ZBTB20: variants seen among roughly 807,000 people sequenced by gnomAD.
ZBTB20 encodes zinc finger and BTB domain-containing protein 20.
Under a neutral mutation model 56.9 loss-of-function variants are expected in ZBTB20, and 9 were observed. The observed-to-expected ratio is 0.16, with a 90% CI of 0.10 to 0.28. ZBTB20 has a LOEUF of 0.28. ZBTB20 is among the 10% of genes least tolerant of loss of function. ZBTB20 has a pLI of 1.00. For missense variants in ZBTB20, 655 were observed against 1,003.0 expected (o/e 0.65, Z 4.69); for synonymous variants, 417 against 420.7 (o/e 0.99, Z 0.11).
chr3:114,969,726 A>G (rs1233299149), intron 3 of ZBTB20, among the ~76,000 whole-genome samples: 2 of 152,340 alleles, frequency 1.3e-5, no homozygotes, highest in East Asian at 3.9e-4. Flanking sequence ...CAGTTATAAG[A>G]AAGTATAATA....
At chr3:114,565,379 C>T (rs1484198294) in intron 6 of ZBTB20, among the ~76,000 whole-genome samples, 2 of 152,174 alleles carry the variant, frequency 1.3e-5, no homozygotes, top group Non-Finnish European at 2.9e-5. Flanking sequence ...ATTCTCCTTC[C>T]GTCTGGGCGT....
chr3:114,797,497 T>C (rs1419324547), intron 5 of ZBTB20, among the ~76,000 whole-genome samples: 1 of 151,918 alleles, frequency 6.6e-6, no homozygotes, highest in Admixed American at 6.6e-5. Flanking sequence ...ATGATAACCA[T>C]TTACTTCCTC....
At chr3:114,494,058 T>C (rs1183507708) in intron 7 of ZBTB20, among the ~76,000 whole-genome samples, 1 of 152,188 alleles carries the variant, frequency 6.6e-6, no homozygotes, top group Non-Finnish European at 1.5e-5. Context: ...ATCTGCACAA[T>C]TAGGATTATA....
chr3:114,405,108 T>G (rs955257707), intron 7 of ZBTB20, among the ~76,000 whole-genome samples: 22 of 152,036 alleles, frequency 1.4e-4, no homozygotes, highest in African/African-American at 4.3e-4. Flanking sequence ...ATCCTAGCTT[T>G]AAGAACAAGC....
chr3:114,329,735 A>AAAAAAAAAAC lies in ZBTB20; in HGVS notation c.*9269_*9270insGTTTTTTTTT, dbSNP rs1553785009. ...AAAAAAAAAAAAAAAAAAAAAAAAA[A>AAAAAAAAAAC]AACAACTCCCAGGAAAATGAACACT... On this transcript the variant is annotated 3_prime_UTR_variant, in exon 12 of 12. Coordinates refer to ENST00000675478, the MANE Select transcript of ZBTB20 (RefSeq NM_001348800.3). 7.2e-6 allele frequency: 1 copy of AAAAAAAAAAC among 138,598 alleles called. No individual in the cohort carries two copies. The allele number at this position is 138,598 out of a possible 1,614,324, so 8.6% of individuals were successfully genotyped here. A position where few individuals can be genotyped will look rare whatever the true frequency, so the allele number is the denominator to read the frequency against.
intron 7 of ZBTB20, among the ~76,000 whole-genome samples, chr3:114,444,376 T>C (rs1294666921): frequency 3.3e-5 from 5 of 152,150 alleles, no homozygotes; most frequent in Admixed American, 6.5e-5. Flanking sequence ...GCATTTTCCT[T>C]CATTCCTCAG....
chr3:115,046,255 C>T (rs1264646401), intron 2 of ZBTB20, among the ~76,000 whole-genome samples: 6 of 152,042 alleles, frequency 3.9e-5, no homozygotes, highest in Admixed American at 2.6e-4. Context: ...AAACCTAAAA[C>T]GTTGAAGGTT....
intron 6 of ZBTB20, among the ~76,000 whole-genome samples, chr3:114,641,384 A>G (rs1407672459): frequency 6.6e-6 from 1 of 151,972 alleles, no homozygotes; most frequent in Non-Finnish European, 1.5e-5. Context: ...GCTGAAATTT[A>G]AAGTACAAAA....
chr3:114,802,231 A>G (rs1009181629), intron 4 of ZBTB20, among the ~76,000 whole-genome samples: 3 of 151,944 alleles, frequency 2.0e-5, no homozygotes, highest in Non-Finnish European at 4.4e-5. Context: ...TCATATGTTT[A>G]CATCCAATTT....
chr3:114,503,857 T>C (rs2044287066), intron 6 of ZBTB20, among the ~76,000 whole-genome samples: 1 of 152,184 alleles, frequency 6.6e-6, no homozygotes, highest in Non-Finnish European at 1.5e-5. Context: ...TCAATTCTAG[T>C]GTAGTTTATG....
In ZBTB20 at chr3:115,001,451, T is replaced by G. The variant is rs372976879; in HGVS notation, c.-506-27035A>C. Among the ~76,000 whole-genome samples, 57 of 151,334 alleles carry G rather than the reference T, an allele frequency of 3.8e-4. 1 individual carries two copies. The highest frequency in any genetic ancestry group is 1.4e-3 in the African/African-American group (57 of 41,354). On this transcript the variant is annotated intron_variant, in intron 2 of 11. Transcript: ENST00000675478. ...ATAAATTTAAAATGGGGAGCTTTTT[T>G]TAAATCACATATTAAAAAAGAAGAA...
At chr3:114,636,238 A>G (rs1329005433) in intron 6 of ZBTB20, among the ~76,000 whole-genome samples, 1 of 152,172 alleles carries the variant, frequency 6.6e-6, no homozygotes, top group African/African-American at 2.4e-5. Flanking sequence ...CTAGACAAAC[A>G]TGCAGAGGGG....
rs2078668201 is a variant in ZBTB20 at position 114,315,953 on chromosome 3, G to GT, written c.*23051dup. The GT allele has an allele frequency of 6.4e-6, 1 of 155,184 alleles. No individual in the cohort carries two copies. Among genetic ancestry groups the GT allele is most frequent in the Admixed American group, 6.6e-5 (1 of 15,260 alleles). 9.6% of individuals were successfully genotyped at this position (155,184 alleles called of 1,614,324 possible). A position where few individuals can be genotyped will look rare whatever the true frequency, so the allele number is the denominator to read the frequency against. ...GCCACGTTAAGGTGCTTCAAAAAAG[G>GT]TTTTTTGTTTTTTTGTTTTTTTTTT... On this transcript the variant is annotated 3_prime_UTR_variant, in exon 12 of 12. Coordinates refer to ENST00000675478, the MANE Select transcript of ZBTB20 (RefSeq NM_001348800.3).
intron 2 of ZBTB20, among the ~76,000 whole-genome samples, chr3:115,053,864 A>G (rs2081648162): frequency 6.6e-6 from 1 of 152,190 alleles, no homozygotes; most frequent in African/African-American, 2.4e-5. Context: ...ATGTGTCGGT[A>G]TAAGGACATG....
At chr3:114,898,214 G>A (rs1038393963) in intron 4 of ZBTB20, among the ~76,000 whole-genome samples, 17 of 152,108 alleles carry the variant, frequency 1.1e-4, no homozygotes, top group African/African-American at 4.1e-4. Context: ...GCTCAGGAAA[G>A]ACGAGGCATT....
intron 7 of ZBTB20, among the ~76,000 whole-genome samples, chr3:114,390,718 G>A (rs146386489): frequency 2.9e-4 from 44 of 152,268 alleles, no homozygotes; most frequent in African/African-American, 1.0e-3. Flanking sequence ...AATAACAGCT[G>A]GTTATTGGTT....
rs922593137 is a variant in ZBTB20, at chr3:114,992,360, TA to T, written c.-506-17945del. On this transcript the variant is annotated intron_variant, in intron 2 of 11. Transcript: ENST00000675478. Reference sequence around the variant, plus strand: ...ATCATAAAGATTAGCATAAATAACCTAAAAAAACTATTAAAAGTCAAGACAG... The same window carrying T: ...ATCATAAAGATTAGCATAAATAACCTAAAAAACTATTAAAAGTCAAGACAG... 2.2e-4 allele frequency among the ~76,000 whole-genome samples: 33 copies of T among 151,980 alleles called. 1 individual carries two copies. The highest frequency in any genetic ancestry group is 1.5e-3 in the South Asian group (7 of 4,820).
At chr3:114,562,402 A>G (rs1404658908) in intron 6 of ZBTB20, among the ~76,000 whole-genome samples, 1 of 152,026 alleles carries the variant, frequency 6.6e-6, no homozygotes, top group African/African-American at 2.4e-5. Flanking sequence ...TGACCTCATG[A>G]TCCACCTGCC....
At position 114,380,908 on chromosome 3, in the gene ZBTB20, T is replaced by C. The variant is rs1039388105; in HGVS notation, c.-121A>G. 1.1e-5 allele frequency: 8 copies of C among 750,102 alleles called. No homozygotes were observed. In the African/African-American group the frequency reaches 1.1e-4, roughly 10 times the overall value. The allele number at this position is 750,102 out of a possible 1,614,324, so 46.5% of individuals were successfully genotyped here. A position where few individuals can be genotyped will look rare whatever the true frequency, so the allele number is the denominator to read the frequency against. On this transcript the variant is annotated 5_prime_UTR_variant, in exon 9 of 12. It removes the in-frame stop codon of an upstream open reading frame in the 5' UTR. Coordinates refer to ENST00000675478, the MANE Select transcript of ZBTB20 (RefSeq NM_001348800.3). ...AACTTGCTGTGTGGCCTTGGGCACCTCACTTCACCTCTCTGGGCTTCAGTT... is the reference window on the plus strand; with the variant it reads ...AACTTGCTGTGTGGCCTTGGGCACCCCACTTCACCTCTCTGGGCTTCAGTT...
Sources: gnomAD v4.1 joint callset for allele counts (sites outside exome capture counted in the v4.1 genomes callset) on GRCh38, gnomAD v4.1.1 for gene constraint, MANE v1.5 for transcripts, NCBI Gene and HGNC (gene_info 2026-07-23, HGNC 2026-07-21) for gene names.